IL1R2: variants seen among roughly 807,000 people sequenced by gnomAD.
The protein encoded by IL1R2 is interleukin-1 receptor type 2.
In IL1R2, 46 loss-of-function variants were observed where a neutral mutation model predicts 39.5. That is an observed-to-expected ratio of 1.16 (90% CI 0.92 to 1.49). The LOEUF (loss-of-function observed/expected upper bound fraction) is 1.49. Ranked by LOEUF, IL1R2 falls within the 40% of genes most tolerant of loss-of-function variation. The pLI, the probability that IL1R2 is intolerant of heterozygous loss-of-function variation, is 0.00. For synonymous variants in IL1R2, 207 were observed against 189.6 expected (o/e 1.09, Z -0.75); for missense variants, 537 against 502.0 (o/e 1.07, Z -0.67).
chr2:102,007,201 G>A (rs1187868980), intron 1 of IL1R2, among the ~76,000 whole-genome samples: 1 of 152,184 alleles, frequency 6.6e-6, no homozygotes, highest in Non-Finnish European at 1.5e-5. Flanking sequence ...AGGTCATCAG[G>A]GAGACGAGGA....
chr2:102,001,894 A>C (rs778436352), intron 1 of IL1R2: 5 of 152,196 alleles, frequency 3.3e-5, no homozygotes, highest in African/African-American at 1.2e-4. Flanking sequence ...GAAGTGACTC[A>C]GTGATAGGTG....
chr2:102,022,794 A>C (rs951741619), intron 6 of IL1R2, among the ~76,000 whole-genome samples: 2 of 152,254 alleles, frequency 1.3e-5, no homozygotes, highest in Non-Finnish European at 2.9e-5. Flanking sequence ...CATCCTGGCC[A>C]GCACAGGTCC....
intron 2 of IL1R2, among the ~76,000 whole-genome samples, 176 bp downstream of exon 2, chr2:102,008,818 T>C (rs967579993): frequency 6.7e-6 from 1 of 149,150 alleles, no homozygotes; most frequent in Non-Finnish European, 1.5e-5. Context: ...GCCCAGGAGT[T>C]TGAGACCAGT....
intron 3 of IL1R2, 138 bp downstream of exon 3, chr2:102,009,964 G>C: frequency 1.0e-6 from 1 of 966,280 alleles, no homozygotes; most frequent in Non-Finnish European, 1.5e-6. Context: ...CCCGTTTGCT[G>C]TTCCTGACAC....
intron 1 of IL1R2, among the ~76,000 whole-genome samples, chr2:102,002,317 TGTCTG>T (rs1675906156): frequency 6.6e-6 from 1 of 151,204 alleles, no homozygotes; most frequent in East Asian, 2.0e-4. Flanking sequence ...TCTGTGTCTG[TGTCTG>T]TGTCTGTGTG....
chr2:102,008,732 CA>C, intron 2 of IL1R2, 90 bp downstream of exon 2: 1 of 1,162,754 alleles, frequency 8.6e-7, no homozygotes, highest in Middle Eastern at 2.1e-4. Context: ...TGTCAGAAAG[CA>C]AAGTGTGGGC....
At chr2:101,997,701 A>G (rs929770710) in intron 1 of IL1R2, among the ~76,000 whole-genome samples, 1 of 152,158 alleles carries the variant, frequency 6.6e-6, no homozygotes, top group Non-Finnish European at 1.5e-5. Context: ...CCTTTACCTA[A>G]CAGCCACACC....
chr2:102,014,480 C>T (rs1056218677), intron 3 of IL1R2, among the ~76,000 whole-genome samples: 1 of 152,166 alleles, frequency 6.6e-6, no homozygotes. Flanking sequence ...ACGCATTTTT[C>T]AAGGTGAGAG....
At chr2:102,001,592 C>G (rs979319420) in intron 1 of IL1R2, among the ~76,000 whole-genome samples, 1 of 152,294 alleles carries the variant, frequency 6.6e-6, no homozygotes, top group Middle Eastern at 3.4e-3. Context: ...AAAGCAGTTT[C>G]TGGACAACTC....
chr2:102,001,560 CTTT>C (rs1309579535), intron 1 of IL1R2, among the ~76,000 whole-genome samples: 1 of 152,122 alleles, frequency 6.6e-6, no homozygotes, highest in Non-Finnish European at 1.5e-5. Flanking sequence ...CCTTGTCTAG[CTTT>C]TTTCTTTCCT....
chr2:101,992,500 GAGAGAGACAGAGAGAGGC>G (rs1675392837), intron 1 of IL1R2, among the ~76,000 whole-genome samples: 1 of 148,796 alleles, frequency 6.7e-6, no homozygotes, highest in South Asian at 2.1e-4. Context: ...GACAGAGATG[GAGAGAGACAGAGAGAGGC>G]AGAGAGACAG....
intron 3 of IL1R2, among the ~76,000 whole-genome samples, chr2:102,011,394 A>T (rs1039962042): frequency 6.6e-6 from 1 of 152,168 alleles, no homozygotes; most frequent in Non-Finnish European, 1.5e-5. Context: ...TCACCAACAC[A>T]TGTTATTTTC....
Position 102,026,198 on chromosome 2 carries a change from A to T in IL1R2, c.975A>T (p.Lys325Asn). 6.2e-7 allele frequency: 1 copy of T among 1,613,544 alleles called. No homozygotes were observed. The highest frequency in any genetic ancestry group is 8.5e-7 in the Non-Finnish European group (1 of 1,179,480). The change falls in exon 8 of 9, where the codon AAA (lysine) becomes AAT (asparagine). Residue 325 changes from lysine to asparagine, a missense_variant. Physicochemically the swap from Lys to Asn is moderately conservative, Grantham distance 94. Transcript: ENST00000332549. ...VTREDLHMDF[K>N]CVVHNTLSFQ... ...GAGAGGATTTGCACATGGATTTTAA[A>T]TGTGTTGTCCATAATACCCTGAGTT...
In IL1R2 at chr2:102,024,615, C is replaced by T. The variant is rs749704812; in HGVS notation, c.834C>T (p.Asp278=). 1.1e-5 allele frequency: 17 copies of T among 1,614,038 alleles called. No individual in the cohort carries two copies. The highest frequency in any genetic ancestry group is 3.3e-5 in the South Asian group (3 of 91,092). Residue 278 remains aspartate (D), a synonymous_variant, in exon 7 of 9, where the codon GAC becomes GAT. Transcript: ENST00000332549. ...CCATGCTGTGGTGGACGGCCAATGA[C>T]ACCCACATAGAGAGCGCCTACCCGG... ...LTTMLWWTAN[D]THIESAYPGG... is the part of the protein sequence containing the mutation.
At chr2:102,022,307 TG>T in intron 6 of IL1R2, 58 bp downstream of exon 6, 8 of 1,433,728 alleles carry the variant, frequency 5.6e-6, no homozygotes, top group Non-Finnish European at 6.9e-6. Flanking sequence ...GGTATCCCAA[TG>T]CAGGGGGCTT....
At chr2:102,005,625 A>G (rs1200579857) in intron 1 of IL1R2, among the ~76,000 whole-genome samples, 3 of 152,230 alleles carry the variant, frequency 2.0e-5, no homozygotes, top group Non-Finnish European at 4.4e-5. Context: ...ATCCACACTG[A>G]GCAGCAGGAA....
At chr2:101,995,405 A>G (rs1028377994) in intron 1 of IL1R2, among the ~76,000 whole-genome samples, 2 of 152,160 alleles carry the variant, frequency 1.3e-5, no homozygotes, top group Admixed American at 1.3e-4. Context: ...TTATCCAGGA[A>G]GAAATTGGGG....
chr2:102,025,507 A>G (rs1308028885), intron 7 of IL1R2, among the ~76,000 whole-genome samples: 1 of 152,154 alleles, frequency 6.6e-6, no homozygotes, highest in African/African-American at 2.4e-5. Flanking sequence ...TCCCCCTACA[A>G]ATAGAACAAA....
intron 1 of IL1R2, 72 bp from the exon 2 acceptor site, chr2:102,008,443 C>G: frequency 1.4e-6 from 1 of 735,854 alleles, no homozygotes. Flanking sequence ...AGACCCTGCC[C>G]CTACCCCGTC....
Sources: gnomAD v4.1 joint callset for allele counts (sites outside exome capture counted in the v4.1 genomes callset) on GRCh38, gnomAD v4.1.1 for gene constraint, MANE v1.5 for transcripts, NCBI Gene and HGNC (gene_info 2026-07-23, HGNC 2026-07-21) for gene names.